The following CNTN1 variants were observed in gnomAD, a reference collection of about 807,000 sequenced individuals.
CNTN1 encodes contactin 1.
Under a neutral mutation model 126.4 loss-of-function variants are expected in CNTN1, and 38 were observed. The ratio of observed to expected loss-of-function variants is 0.30; its 90% CI spans 0.23 to 0.39. CNTN1 has a LOEUF of 0.39. Among genes scored for constraint, CNTN1 ranks in the 10% least tolerant of loss-of-function variants. The probability of loss-of-function intolerance (pLI) is 1.00; values close to 1 mark genes in which losing one functional copy is unlikely to be tolerated. For synonymous variants in CNTN1, 413 were observed against 422.6 expected (o/e 0.98, Z 0.28); for missense variants, 1,009 against 1,248.4 (o/e 0.81, Z 2.89).
intron 1 of CNTN1, among the ~76,000 whole-genome samples, chr12:40,846,830 TA>T (rs1338707965): frequency 6.6e-6 from 1 of 151,832 alleles, no homozygotes; most frequent in African/African-American, 2.4e-5. Flanking sequence ...TAGCTGAGAG[TA>T]CAGAAACATG....
chr12:40,746,030 T>TATAAA (rs1275755394), intron 1 of CNTN1, among the ~76,000 whole-genome samples: 2 of 152,164 alleles, frequency 1.3e-5, no homozygotes, highest in Non-Finnish European at 2.9e-5. Flanking sequence ...AAAATGTCTA[T>TATAAA]TCCACAGAAT....
chr12:40,822,444 A>G (rs1252998206), intron 1 of CNTN1, among the ~76,000 whole-genome samples: 2 of 151,742 alleles, frequency 1.3e-5, no homozygotes. Flanking sequence ...TTATTATACT[A>G]TCTTGCTTGT....
intron 1 of CNTN1, among the ~76,000 whole-genome samples, chr12:40,849,920 C>A (rs1411905607): frequency 1.3e-5 from 2 of 151,526 alleles, no homozygotes; most frequent in African/African-American, 4.8e-5. Flanking sequence ...ATGCATCTCA[C>A]CAAATATATA....
chr12:40,916,853 C>T (rs566914971), intron 3 of CNTN1, among the ~76,000 whole-genome samples: 1 of 151,974 alleles, frequency 6.6e-6, no homozygotes, highest in Non-Finnish European at 1.5e-5. Context: ...ATGGCAGGAG[C>T]TAAGTCTCAG....
At chr12:40,790,518 A>G (rs1428525888) in intron 1 of CNTN1, among the ~76,000 whole-genome samples, 6 of 152,118 alleles carry the variant, frequency 3.9e-5, no homozygotes, top group African/African-American at 7.2e-5. Flanking sequence ...TTAGAAAAAT[A>G]GACTGCTTTG....
intron 1 of CNTN1, among the ~76,000 whole-genome samples, chr12:40,766,114 T>A (rs922777113): frequency 6.6e-6 from 1 of 152,122 alleles, no homozygotes; most frequent in Admixed American, 6.5e-5. Context: ...TCCCAGCACT[T>A]TGGGAGGCCG....
chr12:40,829,122 A>C (rs550685156), intron 1 of CNTN1, among the ~76,000 whole-genome samples: 184 of 152,332 alleles, frequency 1.2e-3, no homozygotes, highest in Middle Eastern at 6.8e-3. Context: ...TTCTTGCTTA[A>C]ATATCATGGC....
chr12:40,848,170 T>C (rs1346971126), intron 1 of CNTN1, among the ~76,000 whole-genome samples: 2 of 152,174 alleles, frequency 1.3e-5, no homozygotes, highest in Admixed American at 6.5e-5. Flanking sequence ...AATAGTCAGC[T>C]TTATGCCTTG....
chr12:40,705,807 G>A (rs142586439), intron 1 of CNTN1, among the ~76,000 whole-genome samples: 15 of 152,264 alleles, frequency 9.9e-5, no homozygotes, highest in African/African-American at 3.1e-4. Flanking sequence ...GAGACCTCAG[G>A]TAGCTTCTAA....
intron 15 of CNTN1, among the ~76,000 whole-genome samples, chr12:40,962,077 AT>A (rs1370765050): frequency 2.6e-5 from 4 of 152,092 alleles, no homozygotes; most frequent in Non-Finnish European, 4.4e-5. Context: ...TCGCTAAAAA[AT>A]TTTTTATAAC....
chr12:41,038,451 A>AGT lies in CNTN1; in HGVS notation c.2980+9244_2980+9245dup, dbSNP rs138431460. Among the ~76,000 whole-genome samples the AGT allele has an allele frequency of 1.3e-4, 19 of 151,852 alleles. No homozygotes were observed. The South Asian group carries it at 1.5e-3, about 12-fold the overall frequency. On this transcript the variant is annotated intron_variant, in intron 23 of 23. Coordinates refer to ENST00000551295, the MANE Select transcript of CNTN1 (RefSeq NM_001843.4). ...CCGTGTCTTCCCATGGCCTTCCCTCAGTGTGTGTGTGTGCAAGCATGTGTG... is the reference window on the plus strand; with the variant it reads ...CCGTGTCTTCCCATGGCCTTCCCTCAGTGTGTGTGTGTGTGCAAGCATGTGTG...
intron 15 of CNTN1, chr12:40,978,684 T>C (rs1051950011): frequency 3.3e-5 from 5 of 152,176 alleles, no homozygotes; most frequent in African/African-American, 1.2e-4. Flanking sequence ...ATATAATGTC[T>C]CAACAAATAC....
chr12:41,016,794 G>C lies in CNTN1; in HGVS notation c.2297G>C (p.Arg766Pro). Residue 766 changes from arginine (R) to proline (P), a missense_variant, in exon 19 of 24, where the codon CGA (arginine) becomes CCA (proline). Arg to Pro is a moderately radical substitution (Grantham distance 103). Transcript: ENST00000551295. ...ACAGTTACTAATCCTGATACTGGCC[G>C]ATATGTCCATAAAGATGAAACCATG... is the stretch of plus-strand genomic sequence containing the variant. ...KVTVTNPDTG[R>P]YVHKDETMSP... 1 of 1,613,986 alleles carries C rather than the reference G, an allele frequency of 6.2e-7. No homozygotes were observed. Among genetic ancestry groups the C allele is most frequent in the Non-Finnish European group, 8.5e-7 (1 of 1,179,946 alleles).
intron 1 of CNTN1, among the ~76,000 whole-genome samples, chr12:40,827,802 T>C (rs1335813572): frequency 6.6e-6 from 1 of 152,092 alleles, no homozygotes; most frequent in East Asian, 1.9e-4. Context: ...GTCTTGGTGG[T>C]GAGGTGATCA....
At chr12:40,846,954 G>A (rs1171805930) in intron 1 of CNTN1, among the ~76,000 whole-genome samples, 4 of 151,828 alleles carry the variant, frequency 2.6e-5, no homozygotes, top group African/African-American at 4.8e-5. Flanking sequence ...TGCATCCTCC[G>A]CCTCCCAGGT....
In CNTN1 at chr12:40,753,978, T is replaced by C. The variant is rs17128744; in HGVS notation, c.-77+61386T>C. Among the ~76,000 whole-genome samples, 208 of 152,198 alleles carry C rather than the reference T, an allele frequency of 1.4e-3. No individual in the cohort carries two copies. The South Asian group carries it at 0.014, about 11-fold the overall frequency. ...ATATTGTTTCTATTATTCACTGTTATGAAAATCAAATTTTTTAAACTTTGC... is the reference window on the plus strand; with the variant it reads ...ATATTGTTTCTATTATTCACTGTTACGAAAATCAAATTTTTTAAACTTTGC... On this transcript the variant is annotated intron_variant, in intron 1 of 23. Transcript: ENST00000551295.
At chr12:40,856,178 T>A (rs895106730) in intron 1 of CNTN1, among the ~76,000 whole-genome samples, 2 of 152,072 alleles carry the variant, frequency 1.3e-5, no homozygotes, top group Non-Finnish European at 2.9e-5. Context: ...TTATCTAAAA[T>A]CTTTTTCCAA....
chr12:40,955,690 A>T (rs113386153), intron 14 of CNTN1, among the ~76,000 whole-genome samples: 1 of 152,110 alleles, frequency 6.6e-6, no homozygotes, highest in African/African-American at 2.4e-5. Flanking sequence ...AATAAATAAG[A>T]CCTGGTTCTT....
intron 1 of CNTN1, among the ~76,000 whole-genome samples, chr12:40,703,981 G>T (rs910730307): frequency 1.3e-5 from 2 of 152,150 alleles, no homozygotes; most frequent in African/African-American, 2.4e-5. Context: ...TAGGGGAATT[G>T]TTCTATGCAG....
Sources: allele counts gnomAD v4.1 joint callset (sites outside exome capture counted in the v4.1 genomes callset), GRCh38; gene constraint gnomAD v4.1.1; transcripts MANE v1.5; gene names NCBI Gene and HGNC (gene_info 2026-07-23, HGNC 2026-07-21).